Variants in EEF1E1 observed in about 807,000 individuals in gnomAD.
EEF1E1 encodes the protein eukaryotic translation elongation factor 1 epsilon 1, also known as eukaryotic translation elongation factor 1 epsilon-1.
In EEF1E1, 19 loss-of-function variants were observed where a neutral mutation model predicts 19.9. The ratio of observed to expected loss-of-function variants is 0.95; its 90% CI spans 0.66 to 1.40. The LOEUF is 1.40. Ranked by LOEUF, EEF1E1 falls within the 40% of genes most tolerant of loss-of-function variation. EEF1E1 has a pLI of 0.00. For synonymous variants in EEF1E1, 81 were observed against 80.0 expected, an observed-to-expected ratio of 1.01 and a Z score of -0.07; for missense variants, 198 against 202.2, an observed-to-expected ratio of 0.98 and a Z score of 0.13.
downstream of EEF1E1, among the ~76,000 whole-genome samples, chr6:8,077,054 C>T (rs1027751880): frequency 6.6e-6 from 1 of 151,462 alleles, no homozygotes; most frequent in Non-Finnish European, 1.5e-5. Flanking sequence ...CGCCATTCTC[C>T]TGCCTCAGCT....
At chr6:8,073,520 G>T in intron 3 of EEF1E1, 2 of 1,551,448 alleles carry the variant, frequency 1.3e-6, no homozygotes, top group Non-Finnish European at 1.7e-6. Flanking sequence ...TCTGCAAAAG[G>T]GGATAAAAAA....
chr6:8,078,808 G>T, downstream of EEF1E1: 2 of 1,215,416 alleles, frequency 1.6e-6, no homozygotes, highest in Non-Finnish European at 1.0e-6. Context: ...TTTTCTTCAT[G>T]TTGTCTACTT....
intron 2 of EEF1E1, chr6:8,095,565 G>GTTT (rs34723432): frequency 2.2e-4 from 32 of 148,654 alleles, no homozygotes; most frequent in South Asian, 1.4e-3. Flanking sequence ...GTAGGTGCCT[G>GTTT]TTTTTTTTTT....
At chr6:8,078,691 G>A (rs1286775534), downstream of EEF1E1, 2 of 1,285,750 alleles carry the variant, frequency 1.6e-6, no homozygotes, top group East Asian at 1.1e-4. Context: ...ACAAACATGG[G>A]GGCCTGTTAC....
chr6:8,082,430 A>G (rs1259273982), intron 3 of EEF1E1, among the ~76,000 whole-genome samples: 1 of 152,004 alleles, frequency 6.6e-6, no homozygotes, highest in Non-Finnish European at 1.5e-5. Flanking sequence ...GTCACATACC[A>G]CCACACCTGG....
chr6:8,073,453 C>G (rs1481323203), exon 4 of EEF1E1: 1 of 1,551,304 alleles, frequency 6.4e-7, no homozygotes, highest in African/African-American at 1.4e-5. Flanking sequence ...TCCTTGATCT[C>G]AGTTCCTTGT....
At chr6:8,090,999 A>T (rs780000900) in intron 2 of EEF1E1, among the ~76,000 whole-genome samples, 1 of 152,218 alleles carries the variant, frequency 6.6e-6, no homozygotes, top group Non-Finnish European at 1.5e-5. Flanking sequence ...GGAGCGTACA[A>T]ACATCTCTTC....
chr6:8,097,647 G>T (rs542851551), intron 1 of EEF1E1, among the ~76,000 whole-genome samples, 180 bp from the exon 2 acceptor site: 1 of 152,228 alleles, frequency 6.6e-6, no homozygotes, highest in South Asian at 2.1e-4. Flanking sequence ...TTTACAATTT[G>T]TTAACAGATG....
At chr6:8,096,591 A>G (rs1310264694) in intron 2 of EEF1E1, among the ~76,000 whole-genome samples, 1 of 152,220 alleles carries the variant, frequency 6.6e-6, no homozygotes, top group African/African-American at 2.4e-5. Context: ...TCCTACAGTG[A>G]TATGCTGTTG....
chr6:8,076,386 T>C (rs1030725124), downstream of EEF1E1, among the ~76,000 whole-genome samples: 3 of 151,884 alleles, frequency 2.0e-5, no homozygotes, highest in Non-Finnish European at 4.4e-5. Context: ...TGCAGTGGCT[T>C]GATCTCGGCT....
At chr6:8,080,614 G>C (rs887092090) in intron 3 of EEF1E1, among the ~76,000 whole-genome samples, 1 of 152,228 alleles carries the variant, frequency 6.6e-6, no homozygotes, top group African/African-American at 2.4e-5. Flanking sequence ...TTTGGTTAGA[G>C]AGAGACGTGA....
chr6:8,099,564 C>T (rs757532058), intron 1 of EEF1E1, among the ~76,000 whole-genome samples: 1 of 151,980 alleles, frequency 6.6e-6, no homozygotes, highest in Non-Finnish European at 1.5e-5. Flanking sequence ...CTAACCAACA[C>T]GGAGAAACCC....
chr6:8,101,929 A>G lies in EEF1E1; in HGVS notation c.87+506T>C, dbSNP rs1178162885. 4 of 1,234,366 alleles carry G rather than the reference A, an allele frequency of 3.2e-6. No individual in the cohort carries two copies. In the African/African-American group the frequency reaches 4.7e-5, roughly 14 times the overall value. The allele number at this position is 1,234,366 out of a possible 1,614,324, so 76.5% of individuals were successfully genotyped here. ...CACTCTTCCAATTTAAATGGTTGCA[A>G]TGTTTGTCCACCTGGCCAAAAAGCA... On this transcript the variant is annotated intron_variant, in intron 1 of 3. Transcript: ENST00000379715.
intron 1 of EEF1E1, among the ~76,000 whole-genome samples, chr6:8,101,519 A>G (rs1758363962): frequency 6.6e-6 from 1 of 151,684 alleles, no homozygotes; most frequent in African/African-American, 2.4e-5. Context: ...TCTAGGCTTC[A>G]GGTTAACTTA....
downstream of EEF1E1, chr6:8,078,834 A>G (rs1757659172): frequency 3.5e-6 from 4 of 1,137,846 alleles, no homozygotes; most frequent in Non-Finnish European, 4.4e-6. Context: ...CTAATTTAGC[A>G]TTATCTTTTT....
chr6:8,102,088 G>GA (rs560208901), intron 1 of EEF1E1: 103,339 of 960,728 alleles, frequency 0.11, 765 homozygotes, highest in Non-Finnish European at 0.12. Flanking sequence ...GCGATTACGG[G>GA]AAAAAAAAAA....
chr6:8,089,986 TTTA>T lies in EEF1E1; in HGVS notation c.384+197_384+199del, dbSNP rs1757972017. 7.4e-6 allele frequency: 3 copies of T among 403,774 alleles called. No homozygotes were observed. In the East Asian group the frequency reaches 1.1e-4, roughly 15 times the overall value. The allele number at this position is 403,774 out of a possible 1,614,324, so 25.0% of individuals were successfully genotyped here. Reference sequence around the variant, plus strand: ...AATTCAAGACAAAGTTTTTTTAAATTTTATTATTATTATACTTTAAGTTTTAGG... The same window carrying T: ...AATTCAAGACAAAGTTTTTTTAAATTTTATTATTATACTTTAAGTTTTAGG... On this transcript the variant is annotated intron_variant, in intron 3 of 3. Coordinates refer to ENST00000379715, the MANE Select transcript of EEF1E1 (RefSeq NM_004280.5).
intron 3 of EEF1E1, among the ~76,000 whole-genome samples, chr6:8,087,714 C>A (rs564071788): frequency 6.6e-6 from 1 of 152,318 alleles, no homozygotes; most frequent in South Asian, 2.1e-4. Flanking sequence ...CAGGGGCCAC[C>A]AAGCTCATCT....
At chr6:8,086,635 G>A (rs1459120310) in intron 3 of EEF1E1, among the ~76,000 whole-genome samples, 2 of 152,124 alleles carry the variant, frequency 1.3e-5, no homozygotes, top group Admixed American at 1.3e-4. Flanking sequence ...AAAACTGAGC[G>A]CCGTGCCTTT....
Sources: gnomAD v4.1 joint callset for allele counts (sites outside exome capture counted in the v4.1 genomes callset) on GRCh38, gnomAD v4.1.1 for gene constraint, MANE v1.5 for transcripts, NCBI Gene and HGNC (gene_info 2026-07-23, HGNC 2026-07-21) for gene names.